Variants in PLA2G4F observed in about 807,000 individuals in gnomAD.
PLA2G4F encodes the protein cytosolic phospholipase A2 zeta.
A neutral mutation model predicts 103.1 loss-of-function variants in PLA2G4F; 105 were observed. The ratio of observed to expected loss-of-function variants is 1.02; its 90% confidence interval spans 0.87 to 1.20. PLA2G4F has a LOEUF of 1.20. Among genes scored for constraint, PLA2G4F ranks in the 50% most tolerant of loss-of-function variants. PLA2G4F has a pLI of 0.00. For missense variants in PLA2G4F, 1,155 were observed against 1,075.9 expected (o/e 1.07, Z -1.03); for synonymous variants, 468 against 441.1 (o/e 1.06, Z -0.76).
At position 42,139,166 on chromosome 15, in the gene PLA2G4F, A is replaced by C. The variant is rs929096303; in HGVS notation, c.*2818T>G. On this transcript the variant is annotated 3_prime_UTR_variant, in exon 20 of 20. Transcript: ENST00000397272. ...CTGGAGCAAACACTGGAGGTAATTAACATTTATTGTTCCCCTTTCAGGGAA... is the reference window on the plus strand; with the variant it reads ...CTGGAGCAAACACTGGAGGTAATTACCATTTATTGTTCCCCTTTCAGGGAA... 4.6e-5 allele frequency: 7 copies of C among 152,966 alleles called. No individual in the cohort carries two copies. Among genetic ancestry groups the C allele is most frequent in the Non-Finnish European group, 1.0e-4 (7 of 68,084 alleles). The allele number at this position is 152,966 out of a possible 1,614,324, so 9.5% of individuals were successfully genotyped here.
At chr15:42,149,390 A>C in intron 11 of PLA2G4F, 1 of 712,306 alleles carries the variant, frequency 1.4e-6, no homozygotes, top group Non-Finnish European at 1.7e-6. Flanking sequence ...GGAAGAGGAG[A>C]GGGAACCCAG....
Position 42,147,619 on chromosome 15 carries a change from CACTT to C in PLA2G4F, c.1196+3_1196+6del. Reference sequence around the variant, plus strand: ...TTTACCCTGTGCCCTGCCCCCACCTCACTTACCAGGTAGACCCAGAGACCCCACT... The same window carrying C: ...TTTACCCTGTGCCCTGCCCCCACCTCACCAGGTAGACCCAGAGACCCCACT... On this transcript the variant is annotated splice_donor_5th_base_variant and intron_variant, in intron 12 of 19. Transcript: ENST00000397272. 1 of 1,613,918 alleles carries C rather than the reference CACTT, an allele frequency of 6.2e-7. No homozygotes were observed. The highest frequency in any genetic ancestry group is 1.3e-5 in the African/African-American group (1 of 75,024).
intron 7 of PLA2G4F, among the ~76,000 whole-genome samples, chr15:42,152,313 C>T (rs1469982420): frequency 6.6e-6 from 1 of 152,222 alleles, no homozygotes; most frequent in Non-Finnish European, 1.5e-5. Flanking sequence ...CTGCTGATGC[C>T]TTGAGAACAT....
Position 42,141,984 on chromosome 15 carries a change from T to C in PLA2G4F, c.2550A>G (p.Ter850TrpextTer136). The C allele has an allele frequency of 6.2e-7, 1 of 1,613,014 alleles. No individual in the cohort carries two copies. The highest frequency in any genetic ancestry group is 8.5e-7 in the Non-Finnish European group (1 of 1,179,560). Residue 850 changes from the stop codon to tryptophan, a stop_lost, in exon 20 of 20, where the codon TGA becomes TGG. Coordinates refer to ENST00000397272, the MANE Select transcript of PLA2G4F (RefSeq NM_213600.4). ...CACAGTCCTCCGCTTCCTGCCTTGG[T>C]CAGGCCCCTGCCCTCTCCCGAGCCT... is the stretch of plus-strand genomic sequence containing the variant. ...RHQARERAGA[*>W]
At position 42,147,255 on chromosome 15, in the gene PLA2G4F, T is replaced by A; in HGVS notation, c.1288A>T (p.Lys430Ter). 6.2e-7 allele frequency: 1 copy of A among 1,612,370 alleles called. No homozygotes were observed. Among genetic ancestry groups the A allele is most frequent in the Non-Finnish European group, 8.5e-7 (1 of 1,179,984 alleles). ...ERAQVHVCSS[K>*]MGALSTERLQ... ...CGCTCCGTGGACAAAGCTCCCATCT[T>A]ACTGCTGCAGACGTGAACCTGGGCA... Residue 430 changes from lysine to a stop codon, truncating the protein, a stop_gained, in exon 13 of 20, where the codon AAG becomes TAG. Transcript: ENST00000397272. LOFTEE classifies it high-confidence loss of function.
intron 13 of PLA2G4F, 68 bp downstream of exon 13, chr15:42,147,056 G>A: frequency 1.4e-6 from 2 of 1,430,214 alleles, no homozygotes; most frequent in East Asian, 4.7e-5. Flanking sequence ...GAGGGATGAG[G>A]CAGAAGCAAG....
At chr15:42,146,306 G>C in intron 13 of PLA2G4F, 65 bp from the exon 14 acceptor site, 1 of 1,484,058 alleles carries the variant, frequency 6.7e-7, no homozygotes, top group Non-Finnish European at 9.4e-7. Context: ...CCCGTGGCCT[G>C]GGGCCGGCAC....
intron 9 of PLA2G4F, 28 bp downstream of exon 9, chr15:42,150,345 T>TC: frequency 1.3e-6 from 2 of 1,578,528 alleles, no homozygotes; most frequent in Non-Finnish European, 1.7e-6. Context: ...CAGGCAGGGG[T>TC]CCCTCTGGCA....
intron 18 of PLA2G4F, among the ~76,000 whole-genome samples, chr15:42,143,234 TAAC>T (rs1248836276): frequency 7.2e-6 from 1 of 138,246 alleles, no homozygotes; most frequent in Non-Finnish European, 1.6e-5. Context: ...TTGTGAAGAT[TAAC>T]AATAATCAGT....
At chr15:42,154,275 G>A in intron 3 of PLA2G4F, 47 bp downstream of exon 3, 3 of 1,611,398 alleles carry the variant, frequency 1.9e-6, no homozygotes, top group African/African-American at 1.3e-5. Context: ...GAGGGTAGCT[G>A]CCTGAGGAGT....
chr15:42,155,832 C>T (rs985843682), intron 1 of PLA2G4F, among the ~76,000 whole-genome samples: 1 of 152,190 alleles, frequency 6.6e-6, no homozygotes, highest in African/African-American at 2.4e-5. Flanking sequence ...ACTCACTGAA[C>T]TAACGATGGC....
In PLA2G4F at chr15:42,150,804, C is replaced by T. The variant is rs752335904; in HGVS notation, c.602-27G>A. ...TGAGAGCAGAGGGCCCAGGTGGGTGCGCAGGTGAGGGGGTGGGTCTGTGTC... is the reference window on the plus strand; with the variant it reads ...TGAGAGCAGAGGGCCCAGGTGGGTGTGCAGGTGAGGGGGTGGGTCTGTGTC... On this transcript the variant is annotated intron_variant, in intron 7 of 19. Coordinates refer to ENST00000397272, the MANE Select transcript of PLA2G4F (RefSeq NM_213600.4). 1.3e-5 allele frequency: 20 copies of T among 1,595,016 alleles called. No individual in the cohort carries two copies. In the East Asian group the frequency reaches 1.6e-4, roughly 13 times the overall value.
At position 42,142,018 on chromosome 15, in the gene PLA2G4F, T is replaced by TCCCAG. The variant is rs774774228; in HGVS notation, c.2515_2516insCTGGG (p.Asp839AlafsTer35). On this transcript the variant is annotated frameshift_variant, in exon 20 of 20. Coordinates refer to ENST00000397272, the MANE Select transcript of PLA2G4F (RefSeq NM_213600.4). LOFTEE classifies it high-confidence loss of function. ...TGCCCTCTCCCGAGCCTGGTGCCGG[T>TCCCAG]CCAGAGCCAGCTGGAGGGCGCACTT... 1 of 1,614,066 alleles carries TCCCAG rather than the reference T, an allele frequency of 6.2e-7. No individual in the cohort carries two copies. The highest frequency in any genetic ancestry group is 8.5e-7 in the Non-Finnish European group (1 of 1,180,028).
rs773704760 is a variant in PLA2G4F, at chr15:42,145,692, C to G, written c.1673-10G>C. The G allele has an allele frequency of 2.5e-6, 4 of 1,613,958 alleles. No individual in the cohort carries two copies. The highest frequency in any genetic ancestry group is 1.7e-5 in the Admixed American group (1 of 60,024). On this transcript the variant is annotated splice_polypyrimidine_tract_variant and intron_variant, in intron 15 of 19. Coordinates refer to ENST00000397272, the MANE Select transcript of PLA2G4F (RefSeq NM_213600.4). ...GCGCTGCCCCACATACCTAAGGAGACAGGCAGGCCCCCACCCCACGTCAGG... is the reference window on the plus strand; with the variant it reads ...GCGCTGCCCCACATACCTAAGGAGAGAGGCAGGCCCCCACCCCACGTCAGG...
chr15:42,150,550 C>T, intron 8 of PLA2G4F, 58 bp downstream of exon 8: 1 of 1,596,272 alleles, frequency 6.3e-7, no homozygotes, highest in Non-Finnish European at 8.5e-7. Context: ...CCAACGTGGC[C>T]CTGGAACGCC....
At chr15:42,150,944 G>A (rs1405958185) in intron 7 of PLA2G4F, 167 bp from the exon 8 acceptor site, 2 of 985,418 alleles carry the variant, frequency 2.0e-6, no homozygotes, top group African/African-American at 1.7e-5. Flanking sequence ...GAAAGCCTCT[G>A]GAAGGACTCT....
rs1431776165 is a variant in PLA2G4F at position 42,150,417 on chromosome 15, G to A, written c.841C>T (p.Leu281=). The change falls in exon 9 of 20, where the codon CTG becomes TTG. Residue 281 remains leucine (L), a synonymous_variant. Transcript: ENST00000397272. ...LGEGGILLSS[L]PLGQEEQCSV... is the part of the protein sequence containing the mutation. ...CACTGTTCCTCCTGGCCTAGGGGCAGAGAGGAGAGCAGGATGCCCCCCTCG... is the reference window on the plus strand; with the variant it reads ...CACTGTTCCTCCTGGCCTAGGGGCAAAGAGGAGAGCAGGATGCCCCCCTCG... 1.2e-6 allele frequency: 2 copies of A among 1,613,294 alleles called. No homozygotes were observed. The highest frequency in any genetic ancestry group is 2.2e-5 in the East Asian group (1 of 44,870).
At chr15:42,146,017 C>A in intron 14 of PLA2G4F, 110 bp downstream of exon 14, 1 of 1,585,222 alleles carries the variant, frequency 6.3e-7, no homozygotes, top group South Asian at 1.1e-5. Context: ...CCGCTGTGCT[C>A]CAAGGTGCCT....
chr15:42,148,629 C>T (rs191699589), intron 11 of PLA2G4F: 140 of 985,314 alleles, frequency 1.4e-4, no homozygotes, highest in Admixed American at 1.4e-3. Context: ...TGAGCACCAC[C>T]GAGCTAAAGT....
Sources: allele counts gnomAD v4.1 joint callset (sites outside exome capture counted in the v4.1 genomes callset), GRCh38; gene constraint gnomAD v4.1.1; transcripts MANE v1.5; gene names NCBI Gene and HGNC (gene_info 2026-07-23, HGNC 2026-07-21).